The following NAV2 variants were observed in gnomAD, a reference collection of about 807,000 sequenced individuals.
NAV2 encodes the protein neuron navigator 2.
In NAV2, 54 loss-of-function variants were observed where a neutral mutation model predicts 223.2. The observed-to-expected ratio is 0.24, with a 90% CI of 0.19 to 0.30. The LOEUF is 0.30. NAV2 is among the 10% of genes least tolerant of loss of function. The pLI, the probability that NAV2 is intolerant of heterozygous loss-of-function variation, is 1.00. For synonymous variants in NAV2, 1,279 were observed against 1,239.3 expected (o/e 1.03, Z -0.67); for missense variants, 2,806 against 3,147.5 (o/e 0.89, Z 2.60).
intron 11 of NAV2, among the ~76,000 whole-genome samples, chr11:19,997,735 C>T (rs148551816): frequency 5.9e-5 from 9 of 152,124 alleles, no homozygotes; most frequent in Non-Finnish European, 8.8e-5. Context: ...TCAGAGACAC[C>T]AGGCTGCCCC....
intron 1 of NAV2, chr11:19,502,648 A>C (rs1237817869): frequency 6.6e-6 from 1 of 152,226 alleles, no homozygotes; most frequent in Non-Finnish European, 1.5e-5. Context: ...TTACTGCATA[A>C]CAAATCACCC....
intron 7 of NAV2, among the ~76,000 whole-genome samples, chr11:19,937,181 C>T (rs1053350975): frequency 2.6e-5 from 4 of 152,074 alleles, no homozygotes; most frequent in Non-Finnish European, 5.9e-5. Flanking sequence ...CTAGTGAGAC[C>T]AGGCTCTTAA....
chr11:19,454,234 A>G lies in NAV2; in HGVS notation c.75+103207A>G, dbSNP rs142137211. Among the ~76,000 whole-genome samples the G allele has an allele frequency of 8.3e-4, 127 of 152,308 alleles. No homozygotes were observed. In the East Asian group the frequency reaches 0.021, roughly 25 times the overall value. ...CTAAATGGTTAGGTTTCAGCAGCTC[A>G]GGGTTGTTTTGATGATACTGGGGCC... On this transcript the variant is annotated intron_variant, in intron 1 of 37. Transcript: ENST00000360655.
chr11:19,419,657 G>A (rs1306573498), intron 1 of NAV2, among the ~76,000 whole-genome samples: 3 of 152,106 alleles, frequency 2.0e-5, no homozygotes, highest in African/African-American at 7.2e-5. Context: ...TACACACTTG[G>A]TGAGTGAGTA....
intron 1 of NAV2, among the ~76,000 whole-genome samples, chr11:19,674,709 G>T (rs527258809): frequency 6.6e-6 from 1 of 152,156 alleles, no homozygotes; most frequent in Admixed American, 6.5e-5. Flanking sequence ...GGAACATAAG[G>T]TTTTCCACCT....
At chr11:19,978,171 G>A (rs529743104) in intron 10 of NAV2, among the ~76,000 whole-genome samples, 6 of 151,916 alleles carry the variant, frequency 3.9e-5, no homozygotes, top group Admixed American at 2.0e-4. Flanking sequence ...TGTTAGACTC[G>A]CTGGCCGGTG....
intron 1 of NAV2, among the ~76,000 whole-genome samples, chr11:19,756,969 G>A (rs1338961223): frequency 6.6e-6 from 1 of 151,862 alleles, no homozygotes; most frequent in African/African-American, 2.4e-5. Context: ...GCTGAGACAA[G>A]GCCAGGGACC....
At chr11:19,620,552 C>T (rs1372811483) in intron 1 of NAV2, among the ~76,000 whole-genome samples, 1 of 152,076 alleles carries the variant, frequency 6.6e-6, no homozygotes, top group East Asian at 1.9e-4. Flanking sequence ...CATGATTTGG[C>T]CCTCTGTTTG....
intron 3 of NAV2, among the ~76,000 whole-genome samples, chr11:19,851,167 CAG>C (rs1271828652): frequency 6.6e-6 from 1 of 152,180 alleles, no homozygotes; most frequent in African/African-American, 2.4e-5. Flanking sequence ...GAAACAGAGA[CAG>C]AGAGCAGTTG....
intron 10 of NAV2, among the ~76,000 whole-genome samples, chr11:19,964,043 C>T (rs1366420539): frequency 1.3e-5 from 2 of 152,102 alleles, no homozygotes; most frequent in Non-Finnish European, 2.9e-5. Flanking sequence ...ACAAGCTCAG[C>T]GCCACCCTGA....
At chr11:19,605,408 C>G (rs768537565) in intron 1 of NAV2, among the ~76,000 whole-genome samples, 4 of 152,072 alleles carry the variant, frequency 2.6e-5, no homozygotes, top group Admixed American at 6.5e-5. Flanking sequence ...AGTGTATTTA[C>G]CGTTTCCTCT....
chr11:19,574,708 G>A (rs1445775230), intron 1 of NAV2, among the ~76,000 whole-genome samples: 1 of 152,138 alleles, frequency 6.6e-6, no homozygotes, highest in Non-Finnish European at 1.5e-5. Flanking sequence ...GTGGAGCATA[G>A]GTCCAGTTAG....
At chr11:19,609,570 C>T (rs10500857) in intron 1 of NAV2, among the ~76,000 whole-genome samples, 2,637 of 152,278 alleles carry the variant, frequency 0.017, 80 homozygotes, top group African/African-American at 0.06. Flanking sequence ...CATCCTGGCG[C>T]TGCAGTTGGT....
chr11:19,672,714 T>C (rs2048605004), intron 1 of NAV2, among the ~76,000 whole-genome samples: 1 of 152,116 alleles, frequency 6.6e-6, no homozygotes, highest in South Asian at 2.1e-4. Context: ...TGACGCAAGC[T>C]GGCACCTCCC....
At chr11:19,606,919 C>G (rs557753062) in intron 1 of NAV2, among the ~76,000 whole-genome samples, 1 of 152,348 alleles carries the variant, frequency 6.6e-6, no homozygotes, top group South Asian at 2.1e-4. Context: ...TCCATTGACT[C>G]ACAATCTGCA....
intron 1 of NAV2, among the ~76,000 whole-genome samples, chr11:19,640,082 T>G (rs80217588): frequency 0.013 from 1,958 of 152,312 alleles, 44 homozygotes; most frequent in East Asian, 0.063. Context: ...GATAATTGAA[T>G]TCAAAAACAG....
intron 1 of NAV2, among the ~76,000 whole-genome samples, chr11:19,364,558 C>A (rs1854151347): frequency 6.6e-6 from 1 of 152,198 alleles, no homozygotes; most frequent in Non-Finnish European, 1.5e-5. Context: ...GTCTTTAGCT[C>A]CTGCTAGCCT....
At position 19,746,258 on chromosome 11, in the gene NAV2, A is replaced by G. The variant is rs529873762; in HGVS notation, c.267+32296A>G. Among the ~76,000 whole-genome samples, 5 of 152,322 alleles carry G rather than the reference A, an allele frequency of 3.3e-5. No individual in the cohort carries two copies. The South Asian group carries it at 1.0e-3, about 32-fold the overall frequency. On this transcript the variant is annotated intron_variant, in intron 1 of 37. Coordinates refer to ENST00000349880, the MANE Select transcript of NAV2 (RefSeq NM_145117.5). ...TTGCAGAAGACATGCTGACAGTGTC[A>G]CATCCTGACAGGTGCACAAGTGGAG...
intron 10 of NAV2, among the ~76,000 whole-genome samples, chr11:19,953,847 G>GCACA (rs11474365): frequency 2.2e-5 from 3 of 136,872 alleles, no homozygotes; most frequent in East Asian, 5.2e-4. Context: ...CAAGAAATGT[G>GCACA]CACGCGCGCG....
Sources: allele counts gnomAD v4.1 joint callset (sites outside exome capture counted in the v4.1 genomes callset), GRCh38; gene constraint gnomAD v4.1.1; transcripts MANE v1.5; gene names NCBI Gene and HGNC (gene_info 2026-07-23, HGNC 2026-07-21).